Variants in TERT observed in about 807,000 individuals in gnomAD.
The protein encoded by TERT is telomerase reverse transcriptase.
A neutral mutation model predicts 104.0 loss-of-function variants in TERT; 42 were observed. The observed-to-expected ratio is 0.40, with a 90% CI of 0.32 to 0.52. TERT has a LOEUF of 0.52. Ranked by LOEUF, TERT falls within the 20% of genes least tolerant of loss-of-function variation. TERT has a pLI of 0.43. For synonymous variants in TERT, 781 were observed against 725.6 expected (o/e 1.08, Z -1.23); for missense variants, 1,101 against 1,610.3 (o/e 0.68, Z 5.41).
At position 1,255,151 on chromosome 5, in the gene TERT, G is replaced by T. The variant is rs986380660; in HGVS notation, c.3157+136C>A. 1.7e-6 allele frequency: 2 copies of T among 1,147,198 alleles called. No homozygotes were observed. The highest frequency in any genetic ancestry group is 1.5e-5 in the African/African-American group (1 of 65,306). The allele number at this position is 1,147,198 out of a possible 1,614,324, so 71.1% of individuals were successfully genotyped here. On this transcript the variant is annotated intron_variant, in intron 14 of 15. Transcript: ENST00000310581. This position sits in a 1 kb window ranked among gnomAD's most constrained non-coding sequence, Gnocchi z 6.9. The stretch of plus-strand genomic sequence containing the variant: ...CACGAGAGGGCGGGCAGACGAGCCT[G>T]ACAGTGGTTGGGTTAAACCACTTCC...
At position 1,268,422 on chromosome 5, in the gene TERT, G is replaced by A. The variant is rs1400856348; in HGVS notation, c.2582+98C>T. The A allele has an allele frequency of 3.2e-6, 3 of 935,908 alleles. No individual in the cohort carries two copies. Among genetic ancestry groups the A allele is most frequent in the Middle Eastern group, 2.1e-4 (1 of 4,780 alleles). The allele number at this position is 935,908 out of a possible 1,614,324, so 58.0% of individuals were successfully genotyped here. On this transcript the variant is annotated intron_variant, in intron 9 of 15. Coordinates refer to ENST00000310581, the MANE Select transcript of TERT (RefSeq NM_198253.3). The surrounding 1 kb of genome is among the most constrained non-coding windows in gnomAD (Gnocchi z 5.5). ...ACCTTGTCTGGTTCCTCAAGACAGAGCAGTCATGGTCTCCAGAGCACCAGG... is the reference window on the plus strand; with the variant it reads ...ACCTTGTCTGGTTCCTCAAGACAGAACAGTCATGGTCTCCAGAGCACCAGG...
chr5:1,267,139 T>C (rs1748666183), intron 9 of TERT, among the ~76,000 whole-genome samples: 2 of 152,262 alleles, frequency 1.3e-5, no homozygotes, highest in African/African-American at 4.8e-5. Context: ...CATAAACTTA[T>C]TTCAATCTAG....
chr5:1,266,380 G>T, intron 10 of TERT, 84 bp downstream of exon 10: 1 of 1,189,472 alleles, frequency 8.4e-7, no homozygotes, highest in Non-Finnish European at 1.2e-6. Flanking sequence ...ACAACGCTGC[G>T]GTGCCAGGGG....
chr5:1,254,639 A>G (rs1309216687), intron 14 of TERT, 134 bp from the exon 15 acceptor site: 5 of 965,700 alleles, frequency 5.2e-6, no homozygotes, highest in Non-Finnish European at 7.6e-6. Context: ...GCACCGCAGG[A>G]GTCACGACAG....
At chr5:1,281,666 G>T (rs1240349487) in intron 3 of TERT, among the ~76,000 whole-genome samples, 1 of 152,216 alleles carries the variant, frequency 6.6e-6, no homozygotes, top group African/African-American at 2.4e-5. Flanking sequence ...GCTCATGGTG[G>T]AACTCTCCTA....
At chr5:1,266,427 T>C (rs1212754261) in intron 10 of TERT, 37 bp downstream of exon 10, 1 of 1,575,408 alleles carries the variant, frequency 6.3e-7, no homozygotes, top group Admixed American at 1.7e-5. Flanking sequence ...GCCCACAGGC[T>C]GTGGAGGTCC....
At chr5:1,259,604 C>T (rs1424024157) in intron 12 of TERT, among the ~76,000 whole-genome samples, 3 of 124,768 alleles carry the variant, frequency 2.4e-5, no homozygotes, top group Non-Finnish European at 4.9e-5. Flanking sequence ...GACATGGATG[C>T]CCACAGGAGA....
At chr5:1,277,667 C>T (rs1159106652) in intron 6 of TERT, among the ~76,000 whole-genome samples, 10 of 100,520 alleles carry the variant, frequency 9.9e-5, no homozygotes, top group Admixed American at 5.7e-4. Context: ...GCGGTGGGGA[C>T]GGGGGGGTCT....
In TERT at chr5:1,257,570, G is replaced by T. The variant is rs1242952469; in HGVS notation, c.3032+1028C>A. ...GGCGGTCTGAGCCGGACGCACCCTG[G>T]AACTGAGACAGCCTGGTCCCAAGCC... On this transcript the variant is annotated intron_variant, in intron 13 of 15. Coordinates refer to ENST00000310581, the MANE Select transcript of TERT (RefSeq NM_198253.3). This position sits in a 1 kb window ranked among gnomAD's most constrained non-coding sequence, Gnocchi z 5.6. Among the ~76,000 whole-genome samples the T allele has an allele frequency of 6.6e-6, 1 of 152,182 alleles. No homozygotes were observed. Among genetic ancestry groups the T allele is most frequent in the Non-Finnish European group, 1.5e-5 (1 of 68,016 alleles).
intron 2 of TERT, among the ~76,000 whole-genome samples, chr5:1,284,306 C>T (rs35903242): frequency 0.14 from 9,580 of 69,278 alleles, 496 homozygotes; most frequent in Non-Finnish European, 0.21. Flanking sequence ...GCACATCCAG[C>T]TCACAGCAGG....
At chr5:1,254,337 G>A (rs999137683) in intron 15 of TERT, 31 bp downstream of exon 15, 3 of 1,612,658 alleles carry the variant, frequency 1.9e-6, no homozygotes, top group African/African-American at 2.7e-5. Context: ...CTGGGCAGGT[G>A]GGGCCCGCAC....
At position 1,268,640 on chromosome 5, in the gene TERT, C is replaced by A; in HGVS notation, c.2469-7G>T. On this transcript the variant is annotated splice_polypyrimidine_tract_variant and splice_region_variant and intron_variant, in intron 8 of 15. Coordinates refer to ENST00000310581, the MANE Select transcript of TERT (RefSeq NM_198253.3). The surrounding 1 kb of genome is among the most constrained non-coding windows in gnomAD (Gnocchi z 5.5). ...CTGGCACTGGACGTAGGACCTGGGGCGGGAAGACACAGGTGAGAGACGGGC... is the reference window on the plus strand; with the variant it reads ...CTGGCACTGGACGTAGGACCTGGGGAGGGAAGACACAGGTGAGAGACGGGC... 1 of 1,605,448 alleles carries A rather than the reference C, an allele frequency of 6.2e-7. No individual in the cohort carries two copies. Among genetic ancestry groups the A allele is most frequent in the East Asian group, 2.2e-5 (1 of 44,750 alleles).
intron 3 of TERT, among the ~76,000 whole-genome samples, chr5:1,280,680 C>T (rs1349140737): frequency 6.6e-6 from 1 of 152,206 alleles, no homozygotes; most frequent in Non-Finnish European, 1.5e-5. Flanking sequence ...ACACAGGATG[C>T]CTGTCCCTCT....
rs1747575515 is a variant in TERT, at chr5:1,254,495, C to A, written c.3168G>T (p.Leu1056=). The change falls in exon 15 of 16, where the codon CTG becomes CTT. Residue 1056 remains leucine (L), a synonymous_variant. Transcript: ENST00000310581. ...GAGGGCCGGCGGCGCCCTTGGCCCC[C>A]AGCGACATCCCTGGGGGAAAACAGA... ...ILKAKNAGMS[L]GAKGAAGPLP... is the part of the protein sequence containing the mutation. The A allele has an allele frequency of 1.9e-6, 3 of 1,611,968 alleles. No individual in the cohort carries two copies. In the South Asian group the frequency reaches 3.3e-5, roughly 18 times the overall value.
chr5:1,266,100 C>T (rs777108556), intron 10 of TERT, among the ~76,000 whole-genome samples: 14 of 152,286 alleles, frequency 9.2e-5, no homozygotes, highest in East Asian at 5.8e-4. Flanking sequence ...AGGAGGCTGC[C>T]GCCTCGGCCC....
chr5:1,291,700 C>A (rs1320928221), intron 2 of TERT, among the ~76,000 whole-genome samples: 2 of 150,016 alleles, frequency 1.3e-5, no homozygotes, highest in Non-Finnish European at 3.0e-5. Context: ...GCCTCACTCA[C>A]CCTACACGTG....
intron 2 of TERT, among the ~76,000 whole-genome samples, chr5:1,283,471 C>T (rs1488634288): frequency 2.1e-5 from 3 of 145,972 alleles, no homozygotes; most frequent in African/African-American, 7.6e-5. Flanking sequence ...GCCTGGTGAC[C>T]TCACCCCGGA....
rs1682606917 is a variant in TERT, at chr5:1,274,002, C to T, written c.2287-1722G>A. 6.6e-6 allele frequency among the ~76,000 whole-genome samples: 1 copy of T among 152,242 alleles called. No homozygotes were observed. Among genetic ancestry groups the T allele is most frequent in the African/African-American group, 2.4e-5 (1 of 41,458 alleles). ...CCACCTCCTATTCTGCAGACTCCCCCAGGACGCTTGTCATTTACTACGGGA... is the reference window on the plus strand; with the variant it reads ...CCACCTCCTATTCTGCAGACTCCCCTAGGACGCTTGTCATTTACTACGGGA... On this transcript the variant is annotated intron_variant, in intron 6 of 15. Coordinates refer to ENST00000310581, the MANE Select transcript of TERT (RefSeq NM_198253.3). This position sits in a 1 kb window ranked among gnomAD's most constrained non-coding sequence, Gnocchi z 5.3.
At chr5:1,275,153 T>A (rs1054159948) in intron 6 of TERT, among the ~76,000 whole-genome samples, 1 of 151,994 alleles carries the variant, frequency 6.6e-6, no homozygotes, top group Non-Finnish European at 1.5e-5. Flanking sequence ...GGTGGGAGGA[T>A]CACCTGAGGT....
Sources: allele counts gnomAD v4.1 joint callset (sites outside exome capture counted in the v4.1 genomes callset), GRCh38; gene constraint gnomAD v4.1.1; non-coding constraint Gnocchi (gnomAD v3.1); transcripts MANE v1.5; gene names NCBI Gene and HGNC (gene_info 2026-07-23, HGNC 2026-07-21).